MEGF6: variants seen among roughly 807,000 people sequenced by gnomAD.
The protein encoded by MEGF6 is multiple epidermal growth factor-like domains protein 6.
In MEGF6, 184 loss-of-function variants were observed where a neutral mutation model predicts 207.1. The observed-to-expected ratio is 0.89, with a 90% confidence interval of 0.79 to 1.00. The LOEUF is 1.00. MEGF6 is among the 50% of genes least tolerant of loss of function. The probability of loss-of-function intolerance (pLI) is 0.00; values close to 1 mark genes in which losing one functional copy is unlikely to be tolerated. For missense variants in MEGF6, 2,282 were observed against 2,202.9 expected, an observed-to-expected ratio of 1.04 and a Z score of -0.72; for synonymous variants, 1,038 against 910.0, an observed-to-expected ratio of 1.14 and a Z score of -2.53.
At position 3,497,106 on chromosome 1, in the gene MEGF6, G is replaced by A. The variant is rs776468008; in HGVS notation, c.3495C>T (p.Gly1165=). 7 of 1,572,390 alleles carry A rather than the reference G, an allele frequency of 4.5e-6. No homozygotes were observed. The highest frequency in any genetic ancestry group is 5.2e-6 in the Non-Finnish European group (6 of 1,157,146). Residue 1165 remains glycine, a synonymous_variant, in exon 28 of 37, where the codon GGC becomes GGT. Transcript: ENST00000356575. ...TCTGCGCACAGTCCTCCCCAAAGCT[G>A]CCGGGTGGGCAGGCTGGGTGGAGAC... is the stretch of plus-strand genomic sequence containing the variant. ...GSGCEQACPP[G]SFGEDCAQMC... is the part of the protein sequence containing the mutation.
At chr1:3,578,744 G>A (rs1643711854) in intron 4 of MEGF6, among the ~76,000 whole-genome samples, 1 of 152,222 alleles carries the variant, frequency 6.6e-6, no homozygotes, top group African/African-American at 2.4e-5. Context: ...CCAGGCTGCT[G>A]GCACCCAGCT....
At position 3,602,571 on chromosome 1, in the gene MEGF6, GTCAGCTCCTGC is replaced by G. The variant is rs748501867; in HGVS notation, c.150_160del (p.Glu50AspfsTer34). ...GCACGGCTGGCGGCGGCCCACCAGG[GTCAGCTCCTGC>G]TCAGCACACACGTGGGGCCTGGAAC... On this transcript the variant is annotated frameshift_variant, in exon 2 of 37. Coordinates refer to ENST00000356575, the MANE Select transcript of MEGF6 (RefSeq NM_001409.4). LOFTEE classifies it high-confidence loss of function. 1.2e-6 allele frequency: 2 copies of G among 1,612,044 alleles called. No homozygotes were observed. Among genetic ancestry groups the G allele is most frequent in the Non-Finnish European group, 1.7e-6 (2 of 1,179,486 alleles).
intron 21 of MEGF6, 121 bp downstream of exon 21, chr1:3,500,512 G>A (rs1275984631): frequency 2.9e-6 from 4 of 1,391,512 alleles, no homozygotes; most frequent in Non-Finnish European, 3.8e-6. Context: ...CGCGGCCAAA[G>A]GCTTCGTGTG....
chr1:3,550,022 GAT>G (rs1445953856), intron 4 of MEGF6, among the ~76,000 whole-genome samples: 2 of 152,192 alleles, frequency 1.3e-5, no homozygotes, highest in African/African-American at 4.8e-5. Context: ...AGTGATCGTG[GAT>G]GCCACCTGGT....
intron 29 of MEGF6, 135 bp downstream of exon 29, chr1:3,496,520 T>A: frequency 7.5e-7 from 1 of 1,334,750 alleles, no homozygotes; most frequent in Non-Finnish European, 1.0e-6. Flanking sequence ...TTAGCCCCAC[T>A]TGGGGCCAGG....
At chr1:3,516,959 C>T (rs981241394) in intron 5 of MEGF6, among the ~76,000 whole-genome samples, 4 of 152,202 alleles carry the variant, frequency 2.6e-5, no homozygotes, top group Non-Finnish European at 5.9e-5. Context: ...CCCCTCGCCC[C>T]ATCCACCTAA....
intron 4 of MEGF6, among the ~76,000 whole-genome samples, chr1:3,537,546 G>A (rs1194662673): frequency 6.6e-6 from 1 of 152,256 alleles, no homozygotes; most frequent in African/African-American, 2.4e-5. Context: ...CTGAACGAGT[G>A]GCCGGGGGGC....
chr1:3,611,458 T>G lies in MEGF6; in HGVS notation c.-190A>C. ...CGCCCAAAGTGGCACCGCGGAGACC[T>G]GATCGCCGGGTCCACCCTGCAGGAA... On this transcript the variant is annotated 5_prime_UTR_variant, in exon 1 of 37. Transcript: ENST00000356575. 1.4e-6 allele frequency: 1 copy of G among 732,056 alleles called. No homozygotes were observed. The allele number at this position is 732,056 out of a possible 1,614,324, so 45.3% of individuals were successfully genotyped here.
rs145129589 is a variant in MEGF6, at chr1:3,595,430, C to G, written c.284G>C (p.Gly95Ala). 6.2e-7 allele frequency: 1 copy of G among 1,612,466 alleles called. No homozygotes were observed. Among genetic ancestry groups the G allele is most frequent in the African/African-American group, 1.3e-5 (1 of 74,908 alleles). The change falls in exon 3 of 37, where the codon GGC becomes GCC. Residue 95 changes from glycine to alanine, a missense_variant. Gly to Ala is a moderately conservative substitution (Grantham distance 60). Coordinates refer to ENST00000356575, the MANE Select transcript of MEGF6 (RefSeq NM_001409.4). ...GHERRTVYYM[G>A]YRQVYTTEAR... Reference sequence around the variant, plus strand: ...CTCCGTGGTATACACCTGCCTGTAGCCCATGTAGTAGACGGTTCTAGAAAG... The same window carrying G: ...CTCCGTGGTATACACCTGCCTGTAGGCCATGTAGTAGACGGTTCTAGAAAG...
chr1:3,496,545 G>C (rs1156778109), intron 29 of MEGF6, 110 bp downstream of exon 29: 1 of 1,478,810 alleles, frequency 6.8e-7, no homozygotes, highest in Non-Finnish European at 9.1e-7. Context: ...GCCAGAGGGG[G>C]CTGAAGGGCA....
chr1:3,595,183 C>G (rs147401155), intron 3 of MEGF6, among the ~76,000 whole-genome samples, 155 bp downstream of exon 3: 37 of 152,256 alleles, frequency 2.4e-4, no homozygotes, highest in African/African-American at 7.2e-4. Flanking sequence ...GCTTTTGCAG[C>G]CTTTGGCAAA....
intron 4 of MEGF6, among the ~76,000 whole-genome samples, chr1:3,533,450 C>G (rs190348158): frequency 6.6e-5 from 10 of 152,232 alleles, no homozygotes; most frequent in Non-Finnish European, 1.2e-4. Flanking sequence ...CATTTATGAC[C>G]GTAATGTGCA....
At chr1:3,500,368 G>A (rs999571353) in intron 21 of MEGF6, among the ~76,000 whole-genome samples, 6 of 152,264 alleles carry the variant, frequency 3.9e-5, no homozygotes, top group East Asian at 3.8e-4. Context: ...TGGGACCTTG[G>A]TCCAGGCTGC....
intron 1 of MEGF6, among the ~76,000 whole-genome samples, chr1:3,609,457 C>T (rs1372206703): frequency 1.3e-5 from 2 of 152,246 alleles, no homozygotes; most frequent in Admixed American, 1.3e-4. Flanking sequence ...CAGACTCTCG[C>T]TGGTGGACGA....
At chr1:3,523,787 A>G (rs1361763993) in intron 5 of MEGF6, among the ~76,000 whole-genome samples, 7 of 152,202 alleles carry the variant, frequency 4.6e-5, no homozygotes, top group Admixed American at 3.3e-4. Context: ...CTTCTGTTGT[A>G]GAGAATCTTT....
At chr1:3,579,733 G>A (rs1643745433) in intron 4 of MEGF6, 92 bp downstream of exon 4, 2 of 880,118 alleles carry the variant, frequency 2.3e-6, no homozygotes, top group East Asian at 3.3e-5. Flanking sequence ...CTACACAGCT[G>A]TGCTGGGGAC....
At position 3,506,176 on chromosome 1, in the gene MEGF6, C is replaced by A. The variant is rs563080603; in HGVS notation, c.1850G>T (p.Gly617Val). 1.3e-6 allele frequency: 2 copies of A among 1,597,922 alleles called. No individual in the cohort carries two copies. Among genetic ancestry groups the A allele is most frequent in the East Asian group, 4.5e-5 (2 of 44,336 alleles). The change falls in exon 15 of 37, where the codon GGC becomes GTC. Residue 617 changes from glycine to valine, a missense_variant. Physicochemically the swap from Gly to Val is moderately radical, Grantham distance 109. Coordinates refer to ENST00000356575, the MANE Select transcript of MEGF6 (RefSeq NM_001409.4). ...GGCCCCGTAGAGGCGGTGGCACCGG[C>A]CCCGGTTGGCACAGTTGCATTTCTT... ...CRKKCNCANR[G>V]RCHRLYGACL...
chr1:3,491,164 T>C (rs1033752310), intron 35 of MEGF6, among the ~76,000 whole-genome samples: 1 of 150,086 alleles, frequency 6.7e-6, no homozygotes, highest in Non-Finnish European at 1.5e-5. Context: ...ATAGGAAAGC[T>C]CTCAGCCCCT....
At chr1:3,494,164 G>T in intron 32 of MEGF6, 40 bp from the exon 33 acceptor site, 2 of 1,525,366 alleles carry the variant, frequency 1.3e-6, no homozygotes, top group African/African-American at 1.4e-5. Flanking sequence ...GGCACACGGT[G>T]GCAGAAATGT....
Sources: allele counts gnomAD v4.1 joint callset (sites outside exome capture counted in the v4.1 genomes callset), GRCh38; gene constraint gnomAD v4.1.1; transcripts MANE v1.5; gene names NCBI Gene and HGNC (gene_info 2026-07-23, HGNC 2026-07-21).